The following ACTR10 variants were observed in gnomAD, a reference collection of about 807,000 sequenced individuals.
ACTR10 encodes the protein actin-related protein 10.
ACTR10 carries 43 observed loss-of-function variants against 56.2 expected under a neutral mutation model. That is an observed-to-expected ratio of 0.77 (90% CI 0.60 to 0.99). The LOEUF is 0.99. Ranked by LOEUF, ACTR10 falls within the 50% of genes least tolerant of loss-of-function variation. The pLI is 0.00. For missense variants in ACTR10, 466 were observed against 507.8 expected (o/e 0.92, Z 0.79); for synonymous variants, 170 against 176.3 (o/e 0.96, Z 0.28).
rs778587052 is a variant in ACTR10 at position 58,213,599 on chromosome 14, C to T, written c.451-32C>T. On this transcript the variant is annotated intron_variant, in intron 5 of 12. Transcript: ENST00000254286. Reference sequence around the variant, plus strand: ...TATCAAGGAAACCACATTTTATCTCCTAAAATAGTAGTATCCTTGACTACT... The same window carrying T: ...TATCAAGGAAACCACATTTTATCTCTTAAAATAGTAGTATCCTTGACTACT... 2.7e-6 allele frequency: 4 copies of T among 1,485,896 alleles called. No homozygotes were observed. The South Asian group carries it at 3.7e-5, about 14-fold the overall frequency. 92.0% of individuals were successfully genotyped at this position (1,485,896 alleles called of 1,614,324 possible).
intron 5 of ACTR10, 70 bp from the exon 6 acceptor site, chr14:58,213,558 CAGA>C (rs1566625088): frequency 3.0e-6 from 3 of 994,188 alleles, no homozygotes; most frequent in Non-Finnish European, 4.5e-6. Context: ...AACAGTACTG[CAGA>C]AGGTGAGGAA....
At chr14:58,228,690 T>G (rs1889459895) in intron 10 of ACTR10, among the ~76,000 whole-genome samples, 1 of 91,052 alleles carries the variant, frequency 1.1e-5, no homozygotes, top group African/African-American at 5.3e-5. Flanking sequence ...ACTTTTTTTT[T>G]TTTTTTTTTT....
At chr14:58,223,991 G>A (rs1459481020) in intron 10 of ACTR10, 135 bp downstream of exon 10, 3 of 749,868 alleles carry the variant, frequency 4.0e-6, no homozygotes, top group Admixed American at 3.0e-5. Flanking sequence ...CATTATTCAT[G>A]ATTAATTTTA....
rs759962263 is a variant in ACTR10 at position 58,209,001 on chromosome 14, A to T, written c.236A>T (p.His79Leu). 1 of 1,603,264 alleles carries T rather than the reference A, an allele frequency of 6.2e-7. No homozygotes were observed. Among genetic ancestry groups the T allele is most frequent in the Non-Finnish European group, 8.5e-7 (1 of 1,174,756 alleles). Residue 79 changes from histidine (H) to leucine (L), a missense_variant and splice_region_variant, in exon 4 of 13, where the codon CAT becomes CTT. His to Leu is a moderately conservative substitution (Grantham distance 99). Transcript: ENST00000254286. ...AAACCAAAACTTTCACTTTTCAGGCATCTATTGGTGAATCCCAGAGACCGC... is the reference window on the plus strand; with the variant it reads ...AAACCAAAACTTTCACTTTTCAGGCTTCTATTGGTGAATCCCAGAGACCGC... ...KEFIHILYFR[H>L]LLVNPRDRRV...
rs1006409977 is a variant in ACTR10, at chr14:58,215,565, A to G, written c.598+281A>G. Among the ~76,000 whole-genome samples the G allele has an allele frequency of 3.3e-4, 50 of 151,754 alleles. 1 individual carries two copies. Among genetic ancestry groups the G allele is most frequent in the African/African-American group, 1.2e-3 (49 of 41,302 alleles). ...GGATTCTTTTTTTTAGTGGTTGTCT[A>G]TTATTTCCCCAAATATTCCTCTGGT... On this transcript the variant is annotated intron_variant, in intron 7 of 12. Transcript: ENST00000254286.
At chr14:58,214,531 C>T (rs772157779) in intron 6 of ACTR10, among the ~76,000 whole-genome samples, 1 of 151,620 alleles carries the variant, frequency 6.6e-6, no homozygotes, top group African/African-American at 2.4e-5. Context: ...CGCTCTGTCA[C>T]CCAGGCTGGA....
At chr14:58,213,528 T>A (rs1238623421) in intron 5 of ACTR10, 103 bp from the exon 6 acceptor site, 1 of 568,242 alleles carries the variant, frequency 1.8e-6, no homozygotes, top group Non-Finnish European at 2.8e-6. Context: ...AATAAAAATT[T>A]GTCACTAAAG....
intron 5 of ACTR10, 84 bp from the exon 6 acceptor site, chr14:58,213,547 G>T: frequency 1.3e-6 from 1 of 797,274 alleles, no homozygotes; most frequent in Non-Finnish European, 1.9e-6. Flanking sequence ...AGCATATTTA[G>T]AACAGTACTG....
chr14:58,233,019 C>T (rs563841057), intron 12 of ACTR10, among the ~76,000 whole-genome samples: 20 of 151,918 alleles, frequency 1.3e-4, no homozygotes, highest in African/African-American at 3.1e-4. Context: ...TATAGGCGCC[C>T]GCCACCACGC....
At chr14:58,225,111 T>C (rs1889367533) in intron 10 of ACTR10, among the ~76,000 whole-genome samples, 1 of 152,224 alleles carries the variant, frequency 6.6e-6, no homozygotes, top group South Asian at 2.1e-4. Context: ...AGCATGACTG[T>C]GTTCCGGTAA....
At chr14:58,227,441 T>A (rs1412659768) in intron 10 of ACTR10, among the ~76,000 whole-genome samples, 4 of 152,268 alleles carry the variant, frequency 2.6e-5, no homozygotes, top group African/African-American at 7.2e-5. Flanking sequence ...CAAATATTTT[T>A]AAAAATGAAC....
intron 6 of ACTR10, among the ~76,000 whole-genome samples, chr14:58,214,775 G>C (rs776330749): frequency 2.0e-5 from 3 of 151,004 alleles, no homozygotes; most frequent in Non-Finnish European, 4.4e-5. Context: ...ACAGGCGTGA[G>C]CCACCGTGCC....
intron 4 of ACTR10, 42 bp downstream of exon 4, chr14:58,209,149 A>G (rs1888937373): frequency 7.4e-7 from 1 of 1,349,346 alleles, no homozygotes; most frequent in Admixed American, 2.2e-5. Flanking sequence ...CTTTTGAAAT[A>G]AAAAGAGAAG....
chr14:58,206,310 G>A (rs1288032066), intron 2 of ACTR10, among the ~76,000 whole-genome samples: 1 of 151,288 alleles, frequency 6.6e-6, no homozygotes, highest in Non-Finnish European at 1.5e-5. Context: ...CAAGTAGCTG[G>A]AATTACAGGC....
chr14:58,208,937 T>A, intron 3 of ACTR10, 62 bp from the exon 4 acceptor site: 1 of 1,091,026 alleles, frequency 9.2e-7, no homozygotes, highest in Non-Finnish European at 1.4e-6. Context: ...GTTCTTAAAT[T>A]GTATGACTTA....
At chr14:58,231,754 T>C (rs1431917552) in intron 11 of ACTR10, among the ~76,000 whole-genome samples, 1 of 152,150 alleles carries the variant, frequency 6.6e-6, no homozygotes, top group Non-Finnish European at 1.5e-5. Context: ...TACTTAATCA[T>C]TGCTACCCTG....
chr14:58,203,743 CA>C (rs1038501547), intron 2 of ACTR10, among the ~76,000 whole-genome samples: 82 of 152,162 alleles, frequency 5.4e-4, no homozygotes, highest in Middle Eastern at 3.4e-3. Context: ...AACAAACTTT[CA>C]AAAAGTTTCT....
chr14:58,211,245 A>G, intron 4 of ACTR10, 47 bp from the exon 5 acceptor site: 6 of 1,365,802 alleles, frequency 4.4e-6, no homozygotes, highest in Non-Finnish European at 6.3e-6. Context: ...ACCTTCAAAT[A>G]ATGACACTCA....
chr14:58,222,165 C>A (rs2140057403), intron 8 of ACTR10, among the ~76,000 whole-genome samples: 1 of 151,842 alleles, frequency 6.6e-6, no homozygotes, highest in East Asian at 1.9e-4. Context: ...ATACACAATT[C>A]TTTTCATAAT....
Sources: allele counts gnomAD v4.1 joint callset (sites outside exome capture counted in the v4.1 genomes callset), GRCh38; gene constraint gnomAD v4.1.1; transcripts MANE v1.5; gene names NCBI Gene and HGNC (gene_info 2026-07-23, HGNC 2026-07-21).